EBF1: variants seen among roughly 807,000 people sequenced by gnomAD.
The protein encoded by EBF1 is EBF transcription factor 1.
A neutral mutation model predicts 68.4 loss-of-function variants in EBF1; 10 were observed. The ratio of observed to expected loss-of-function variants is 0.15; its 90% CI spans 0.09 to 0.25. EBF1 has a LOEUF of 0.25. Among genes scored for constraint, EBF1 ranks in the 10% least tolerant of loss-of-function variants. The pLI is 1.00. For synonymous variants in EBF1, 298 were observed against 299.8 expected (o/e 0.99, Z 0.06); for missense variants, 509 against 794.4 (o/e 0.64, Z 4.32).
chr5:158,701,087 G>C (rs1756662964), intron 15 of EBF1, among the ~76,000 whole-genome samples: 1 of 152,144 alleles, frequency 6.6e-6, no homozygotes, highest in African/African-American at 2.4e-5. Context: ...GCCTCCCCAA[G>C]GATCTTTTCA....
intron 10 of EBF1, among the ~76,000 whole-genome samples, chr5:158,767,663 GAAC>G (rs1773031428): frequency 6.6e-6 from 1 of 151,972 alleles, no homozygotes; most frequent in African/African-American, 2.4e-5. Context: ...TAATTGTAGA[GAAC>G]AAGAAGACTG....
intron 6 of EBF1, among the ~76,000 whole-genome samples, chr5:158,996,645 T>C (rs959347806): frequency 6.6e-6 from 1 of 152,180 alleles, no homozygotes; most frequent in African/African-American, 2.4e-5. Context: ...AAACACTTAA[T>C]ATTTAGTAAA....
intron 9 of EBF1, among the ~76,000 whole-genome samples, chr5:158,784,712 A>G (rs972333198): frequency 6.6e-6 from 1 of 152,148 alleles, no homozygotes; most frequent in Non-Finnish European, 1.5e-5. Flanking sequence ...AAAAAGTCCA[A>G]AACAAGCAAA....
chr5:158,853,222 C>T (rs893811692), intron 6 of EBF1, among the ~76,000 whole-genome samples: 1 of 152,190 alleles, frequency 6.6e-6, no homozygotes, highest in Non-Finnish European at 1.5e-5. Context: ...CTTTACATTT[C>T]AGCAGCATAA....
At chr5:158,783,398 G>A (rs961843711) in intron 9 of EBF1, among the ~76,000 whole-genome samples, 2 of 152,202 alleles carry the variant, frequency 1.3e-5, no homozygotes, top group African/African-American at 4.8e-5. Context: ...GTTACCTCTA[G>A]ATGGTAGAGG....
chr5:159,032,618 C>A (rs1398980362), intron 6 of EBF1, among the ~76,000 whole-genome samples: 2 of 152,230 alleles, frequency 1.3e-5, no homozygotes, highest in Non-Finnish European at 1.5e-5. Context: ...TAGAAGAATT[C>A]TATGGAAACA....
chr5:159,023,076 A>G (rs562556913), intron 6 of EBF1, among the ~76,000 whole-genome samples: 3 of 152,256 alleles, frequency 2.0e-5, no homozygotes, highest in Non-Finnish European at 4.4e-5. Flanking sequence ...TGGTTTGGGA[A>G]TCGTGAAAGC....
At position 158,907,335 on chromosome 5, in the gene EBF1, C is replaced by G. The variant is rs118038793; in HGVS notation, c.555-67225G>C. Among the ~76,000 whole-genome samples, 11 of 152,202 alleles carry G rather than the reference C, an allele frequency of 7.2e-5. No individual in the cohort carries two copies. The East Asian group carries it at 2.1e-3, about 29-fold the overall frequency. On this transcript the variant is annotated intron_variant, in intron 6 of 15. Transcript: ENST00000313708. ...CCACCAAAACAAATAAAATCAGAAA[C>G]AAAGTTTTTTCAAATAATTGAAAAC...
rs531659117 is a variant in EBF1 at position 158,880,731 on chromosome 5, T to C, written c.555-40621A>G. Among the ~76,000 whole-genome samples the C allele has an allele frequency of 7.9e-5, 12 of 152,312 alleles. No individual in the cohort carries two copies. The South Asian group carries it at 2.5e-3, about 32-fold the overall frequency. ...GGTGTTCGGTTCAGTTGTGCACATT[T>C]TTCTAGACAGAAGTTGACTGCTAAA... On this transcript the variant is annotated intron_variant, in intron 6 of 15. Transcript: ENST00000313708.
At chr5:159,087,059 G>A (rs1780764054) in intron 4 of EBF1, among the ~76,000 whole-genome samples, 1 of 151,868 alleles carries the variant, frequency 6.6e-6, no homozygotes, top group African/African-American at 2.4e-5. Flanking sequence ...AAACTCTAAT[G>A]AAGCATTTCT....
At chr5:158,708,248 C>A in intron 14 of EBF1, 75 bp from the exon 15 acceptor site, 1 of 1,442,714 alleles carries the variant, frequency 6.9e-7, no homozygotes. Context: ...AGATCCATCC[C>A]TCACCCAGCC....
intron 12 of EBF1, among the ~76,000 whole-genome samples, chr5:158,713,735 C>G (rs900224608): frequency 3.3e-5 from 5 of 152,172 alleles, no homozygotes; most frequent in Non-Finnish European, 7.4e-5. Context: ...GAAACAGAAG[C>G]AGACAATACT....
At chr5:158,731,733 C>T (rs908292045) in intron 10 of EBF1, among the ~76,000 whole-genome samples, 4 of 152,144 alleles carry the variant, frequency 2.6e-5, no homozygotes, top group African/African-American at 7.2e-5. Context: ...TGAAAATGCC[C>T]TGATTCAAAA....
intron 6 of EBF1, among the ~76,000 whole-genome samples, chr5:158,916,893 T>C (rs1807321126): frequency 6.6e-6 from 1 of 152,158 alleles, no homozygotes; most frequent in Non-Finnish European, 1.5e-5. Context: ...AATAAGCAGG[T>C]CATAAACATT....
intron 2 of EBF1, 32 bp from the exon 3 acceptor site, chr5:159,096,438 G>T: frequency 6.2e-7 from 1 of 1,609,282 alleles, no homozygotes; most frequent in Non-Finnish European, 8.5e-7. Context: ...AGACACAAGA[G>T]ATGCAGGAGA....
chr5:159,062,391 G>C (rs1445614332), intron 6 of EBF1, among the ~76,000 whole-genome samples: 1 of 152,052 alleles, frequency 6.6e-6, no homozygotes, highest in Admixed American at 6.6e-5. Flanking sequence ...GAGAAGGCTG[G>C]GGAAAGGGAT....
intron 6 of EBF1, among the ~76,000 whole-genome samples, chr5:159,062,555 C>T (rs1776063614): frequency 6.6e-6 from 1 of 152,112 alleles, no homozygotes; most frequent in Non-Finnish European, 1.5e-5. Context: ...GCTATACCTG[C>T]CTGAAAGAAA....
chr5:158,866,683 G>A (rs1037191681), intron 6 of EBF1, among the ~76,000 whole-genome samples: 10 of 151,528 alleles, frequency 6.6e-5, no homozygotes, highest in Admixed American at 2.6e-4. Flanking sequence ...ACATGTCGGC[G>A]TTTATGAGTG....
chr5:158,727,790 C>T (rs1053093411), intron 11 of EBF1, among the ~76,000 whole-genome samples: 3 of 152,160 alleles, frequency 2.0e-5, no homozygotes, highest in Non-Finnish European at 4.4e-5. Context: ...CAGCCTCTCT[C>T]GCAGGAGGGA....
Sources: gnomAD v4.1 joint callset for allele counts (sites outside exome capture counted in the v4.1 genomes callset) on GRCh38, gnomAD v4.1.1 for gene constraint, MANE v1.5 for transcripts, NCBI Gene and HGNC (gene_info 2026-07-23, HGNC 2026-07-21) for gene names.